The following SDCCAG8 variants were observed in gnomAD, a reference collection of about 807,000 sequenced individuals.
SDCCAG8 encodes the protein SHH signaling and ciliogenesis regulator SDCCAG8.
In SDCCAG8, 74 loss-of-function variants were observed where a neutral mutation model predicts 101.8. The observed-to-expected ratio is 0.73, with a 90% CI of 0.60 to 0.88. SDCCAG8 has a LOEUF of 0.88. Ranked by LOEUF, SDCCAG8 falls within the 40% of genes least tolerant of loss-of-function variation. The probability of loss-of-function intolerance (pLI) is 0.00; values close to 1 mark genes in which losing one functional copy is unlikely to be tolerated. For synonymous variants in SDCCAG8, 281 were observed against 292.9 expected (o/e 0.96, Z 0.41); for missense variants, 787 against 822.6 (o/e 0.96, Z 0.53).
chr1:243,319,434 C>T (rs189146109), intron 9 of SDCCAG8, among the ~76,000 whole-genome samples: 46 of 152,198 alleles, frequency 3.0e-4, no homozygotes, highest in Admixed American at 1.8e-3. Context: ...AGTGCAATGG[C>T]GCAATCTCAG....
rs140781729 is a variant in SDCCAG8 at position 243,301,012 on chromosome 1, A to C, written c.676-3701A>C. 2.0e-4 allele frequency among the ~76,000 whole-genome samples: 31 copies of C among 152,320 alleles called. No individual in the cohort carries two copies. The East Asian group carries it at 4.4e-3, about 22-fold the overall frequency. On this transcript the variant is annotated intron_variant, in intron 6 of 17. Coordinates refer to ENST00000366541, the MANE Select transcript of SDCCAG8 (RefSeq NM_006642.5). ...ATAAATGAATAAAATATATGTAGGT[A>C]ATAGTCTATTTTATCATCTACTACC...
At chr1:243,466,086 T>C (rs941373278) in intron 16 of SDCCAG8, among the ~76,000 whole-genome samples, 1 of 152,226 alleles carries the variant, frequency 6.6e-6, no homozygotes, top group Non-Finnish European at 1.5e-5. Context: ...TATGAGCTAG[T>C]CTTTGCTCCT....
intron 16 of SDCCAG8, among the ~76,000 whole-genome samples, chr1:243,437,215 A>G (rs745549571): frequency 2.0e-5 from 3 of 152,236 alleles, no homozygotes; most frequent in Non-Finnish European, 2.9e-5. Flanking sequence ...TGAATATTAA[A>G]TGTGAAAACC....
chr1:243,474,444 G>GGGCTCGGCC lies in SDCCAG8; in HGVS notation c.1986-14569_1986-14568insGCTCGGCCG, dbSNP rs1416359508. On this transcript the variant is annotated intron_variant, in intron 16 of 17. Coordinates refer to ENST00000366541, the MANE Select transcript of SDCCAG8 (RefSeq NM_006642.5). This position sits in a 1 kb window ranked among gnomAD's most constrained non-coding sequence, Gnocchi z 4.7. The stretch of plus-strand genomic sequence containing the variant: ...CTCCAGGCCCTCTCGCGCGGCTTCG[G>GGGCTCGGCC]GACTCGGCCGAGCCCGGGCCTAGTA... Among the ~76,000 whole-genome samples the GGGCTCGGCC allele has an allele frequency of 4.6e-5, 7 of 152,178 alleles. No individual in the cohort carries two copies. Among genetic ancestry groups the GGGCTCGGCC allele is most frequent in the African/African-American group, 7.2e-5 (3 of 41,450 alleles).
chr1:243,350,124 AC>A (rs1297070048), intron 12 of SDCCAG8, among the ~76,000 whole-genome samples: 6 of 152,124 alleles, frequency 3.9e-5, no homozygotes, highest in Admixed American at 6.5e-5. Context: ...AATTAACTAG[AC>A]TGTTGGAAGA....
intron 9 of SDCCAG8, among the ~76,000 whole-genome samples, chr1:243,324,135 A>G (rs1429476933): frequency 1.3e-5 from 2 of 152,020 alleles, no homozygotes; most frequent in East Asian, 3.9e-4. Flanking sequence ...TGCTGCTACT[A>G]GATCTTTTTT....
intron 10 of SDCCAG8, among the ~76,000 whole-genome samples, chr1:243,339,865 G>A (rs1302746224): frequency 6.6e-6 from 1 of 152,160 alleles, no homozygotes; most frequent in African/African-American, 2.4e-5. Flanking sequence ...TATTTAAAAT[G>A]TGTCACCAGT....
intron 1 of SDCCAG8, among the ~76,000 whole-genome samples, chr1:243,264,072 AT>A (rs2067396006): frequency 6.6e-6 from 1 of 152,158 alleles, no homozygotes; most frequent in South Asian, 2.1e-4. Flanking sequence ...TTCATTGCAT[AT>A]TCTCTCAGAG....
chr1:243,274,037 TA>T (rs2068312042), intron 3 of SDCCAG8, among the ~76,000 whole-genome samples: 3 of 152,150 alleles, frequency 2.0e-5, no homozygotes, highest in African/African-American at 2.4e-5. Context: ...GTAATTTATT[TA>T]AAAAAGAGGT....
chr1:243,323,179 C>T (rs553877099), intron 9 of SDCCAG8, among the ~76,000 whole-genome samples: 1 of 151,302 alleles, frequency 6.6e-6, no homozygotes, highest in South Asian at 2.1e-4. Context: ...AAGAGTAATA[C>T]TAGTCACCTT....
intron 12 of SDCCAG8, among the ~76,000 whole-genome samples, chr1:243,356,445 A>G (rs1397083290): frequency 2.0e-5 from 3 of 151,696 alleles, no homozygotes; most frequent in Non-Finnish European, 2.9e-5. Flanking sequence ...GGAAGTGGGA[A>G]GAGAAAATGG....
At chr1:243,414,957 GT>G (rs1412949917) in intron 13 of SDCCAG8, among the ~76,000 whole-genome samples, 3 of 151,718 alleles carry the variant, frequency 2.0e-5, no homozygotes, top group African/African-American at 7.3e-5. Context: ...GGTTCTAATT[GT>G]TTAGGAAGTT....
chr1:243,392,419 A>C (rs2147946929), intron 13 of SDCCAG8, among the ~76,000 whole-genome samples: 1 of 152,328 alleles, frequency 6.6e-6, no homozygotes, highest in Non-Finnish European at 1.5e-5. Context: ...AACAATATCT[A>C]ATGGAAGCAG....
chr1:243,473,111 T>TA (rs1258535891), intron 16 of SDCCAG8, among the ~76,000 whole-genome samples: 1 of 152,180 alleles, frequency 6.6e-6, no homozygotes, highest in African/African-American at 2.4e-5. Flanking sequence ...GGTGTGTCTG[T>TA]AGAAAGCATA....
chr1:243,335,341 G>A (rs888552317), intron 10 of SDCCAG8, among the ~76,000 whole-genome samples: 1 of 152,190 alleles, frequency 6.6e-6, no homozygotes, highest in Non-Finnish European at 1.5e-5. Context: ...TGCGAATTGA[G>A]TGTTGTGTGA....
At chr1:243,285,003 C>G (rs1315726913) in intron 4 of SDCCAG8, among the ~76,000 whole-genome samples, 1 of 152,148 alleles carries the variant, frequency 6.6e-6, no homozygotes, top group African/African-American at 2.4e-5. Flanking sequence ...CTACCTCAGC[C>G]TCCTGAGTAG....
chr1:243,338,671 G>A (rs2075179590), intron 10 of SDCCAG8: 1 of 152,166 alleles, frequency 6.6e-6, no homozygotes, highest in African/African-American at 2.4e-5. Context: ...AGTATCCATT[G>A]TTAAAATCCT....
intron 16 of SDCCAG8, among the ~76,000 whole-genome samples, chr1:243,427,216 G>A (rs558552481): frequency 1.4e-3 from 216 of 152,240 alleles, no homozygotes; most frequent in Admixed American, 3.7e-3. Context: ...GAAGAAATTC[G>A]GCTCAGAGAG....
intron 1 of SDCCAG8, among the ~76,000 whole-genome samples, chr1:243,257,947 C>A (rs954798963): frequency 1.3e-5 from 2 of 152,142 alleles, no homozygotes; most frequent in South Asian, 4.2e-4. Flanking sequence ...ATATAATTGT[C>A]GGAGGCTGTT....
Sources: allele counts gnomAD v4.1 joint callset (sites outside exome capture counted in the v4.1 genomes callset), GRCh38; gene constraint gnomAD v4.1.1; non-coding constraint Gnocchi (gnomAD v3.1); transcripts MANE v1.5; gene names NCBI Gene and HGNC (gene_info 2026-07-23, HGNC 2026-07-21).